The following KATNIP variants were observed in gnomAD, a reference collection of about 807,000 sequenced individuals.
The protein encoded by KATNIP is katanin interacting protein.
In KATNIP, 126 loss-of-function variants were observed where a neutral mutation model predicts 174.0. The observed-to-expected ratio is 0.72, with a 90% confidence interval of 0.63 to 0.84. KATNIP has a LOEUF of 0.84. Ranked by LOEUF, KATNIP falls within the 40% of genes least tolerant of loss-of-function variation. The pLI is 0.00. For missense variants in KATNIP, 1,958 were observed against 2,109.7 expected, an observed-to-expected ratio of 0.93 and a Z score of 1.41; for synonymous variants, 810 against 835.7, an observed-to-expected ratio of 0.97 and a Z score of 0.53.
chr16:27,748,163 A>G (rs2081362344), intron 15 of KATNIP, among the ~76,000 whole-genome samples: 1 of 152,208 alleles, frequency 6.6e-6, no homozygotes, highest in Admixed American at 6.5e-5. Context: ...CATGTTCCAT[A>G]AGGAGCGTGG....
At chr16:27,725,324 T>C (rs573532438) in intron 14 of KATNIP, among the ~76,000 whole-genome samples, 133 of 152,298 alleles carry the variant, frequency 8.7e-4, no homozygotes, top group Middle Eastern at 3.4e-3. Context: ...AGATCCCAGA[T>C]GGCAAATCGG....
In KATNIP at chr16:27,573,919, C is replaced by T. The variant is rs150063976; in HGVS notation, c.26C>T (p.Ala9Val). ...GCGACAGGTCAGACTCTGCGAAAGGCCGAGAGAAGCTGGTCCTGCTCACGA... is the reference window on the plus strand; with the variant it reads ...GCGACAGGTCAGACTCTGCGAAAGGTCGAGAGAAGCTGGTCCTGCTCACGA... MDGQTLRK[A>V]ERSWSCSREK... The change falls in exon 2 of 28, where the codon GCC becomes GTC. Residue 9 changes from alanine to valine, a missense_variant. By Grantham distance (64) the Ala-to-Val change is moderately conservative. Coordinates refer to ENST00000261588, the MANE Select transcript of KATNIP (RefSeq NM_015202.5). The T allele has an allele frequency of 1.2e-6, 2 of 1,613,992 alleles. No homozygotes were observed. The highest frequency in any genetic ancestry group is 1.3e-5 in the African/African-American group (1 of 74,906).
intron 1 of KATNIP, among the ~76,000 whole-genome samples, chr16:27,553,403 T>A (rs1437678722): frequency 6.6e-6 from 1 of 152,230 alleles, no homozygotes; most frequent in Non-Finnish European, 1.5e-5. Context: ...ACTCACTTAT[T>A]TCATATTTGA....
chr16:27,655,519 G>A (rs1477597943), intron 6 of KATNIP, among the ~76,000 whole-genome samples: 1 of 151,690 alleles, frequency 6.6e-6, no homozygotes, highest in African/African-American at 2.4e-5. Context: ...CAAAGTGCTG[G>A]GATTACAGGC....
chr16:27,773,320 G>C (rs2082378351), intron 23 of KATNIP, 111 bp downstream of exon 23: 2 of 690,652 alleles, frequency 2.9e-6, no homozygotes, highest in Non-Finnish European at 4.8e-6. Context: ...CTAGGAACCA[G>C]AGCCCAGGGG....
chr16:27,686,020 C>T (rs771610892), intron 8 of KATNIP, among the ~76,000 whole-genome samples: 5 of 152,202 alleles, frequency 3.3e-5, no homozygotes, highest in African/African-American at 4.8e-5. Context: ...GGAAAAATCA[C>T]AGCTTCTTGG....
At chr16:27,582,509 A>G (rs2090737168) in intron 2 of KATNIP, among the ~76,000 whole-genome samples, 1 of 152,218 alleles carries the variant, frequency 6.6e-6, no homozygotes, top group Non-Finnish European at 1.5e-5. Context: ...GTCTCTCTGC[A>G]GCTTTGAGAA....
At position 27,628,738 on chromosome 16, in the gene KATNIP, T is replaced by G; in HGVS notation, c.218T>G (p.Val73Gly). The G allele has an allele frequency of 6.2e-7, 1 of 1,614,210 alleles. No individual in the cohort carries two copies. Among genetic ancestry groups the G allele is most frequent in the Non-Finnish European group, 8.5e-7 (1 of 1,180,034 alleles). Residue 73 changes from valine (V) to glycine (G), a missense_variant, in exon 4 of 28, where the codon GTC (valine) becomes GGC (glycine). Coordinates refer to ENST00000261588, the MANE Select transcript of KATNIP (RefSeq NM_015202.5). ...EHLEQGFSVY[V>G]NGANSELKSS... ...TTGGAGCAAGGTTTCTCTGTCTATG[T>G]CAACGGTGCCAATTCGGAGCTGAAA...
chr16:27,698,529 G>A (rs919937280), intron 9 of KATNIP, 29 bp downstream of exon 9: 1 of 1,584,644 alleles, frequency 6.3e-7, no homozygotes, highest in Non-Finnish European at 8.6e-7. Flanking sequence ...GAGGAACCGG[G>A]GGATGCTCCC....
At chr16:27,632,015 A>T (rs772083180) in intron 5 of KATNIP, among the ~76,000 whole-genome samples, 1 of 152,184 alleles carries the variant, frequency 6.6e-6, no homozygotes, top group Non-Finnish European at 1.5e-5. Flanking sequence ...AGCTGAAGAG[A>T]TGGAGGTTCA....
At chr16:27,739,460 C>T (rs1019322945) in intron 14 of KATNIP, among the ~76,000 whole-genome samples, 2 of 152,178 alleles carry the variant, frequency 1.3e-5, no homozygotes, top group African/African-American at 2.4e-5. Context: ...CCCATTTCCT[C>T]TTGGAATCAC....
intron 2 of KATNIP, among the ~76,000 whole-genome samples, chr16:27,610,205 G>T (rs567941267): frequency 1.2e-4 from 18 of 152,134 alleles, no homozygotes; most frequent in African/African-American, 4.1e-4. Context: ...GTGGCAGCAG[G>T]GAGGACAGAA....
chr16:27,677,394 G>C (rs1296402696), intron 6 of KATNIP, among the ~76,000 whole-genome samples: 1 of 152,074 alleles, frequency 6.6e-6, no homozygotes, highest in Non-Finnish European at 1.5e-5. Flanking sequence ...TCCACAATCT[G>C]TTTGAACAAG....
intron 1 of KATNIP, among the ~76,000 whole-genome samples, chr16:27,563,467 G>C (rs1352295763): frequency 1.3e-5 from 2 of 152,070 alleles, no homozygotes; most frequent in Non-Finnish European, 2.9e-5. Context: ...GCAGTGAGCT[G>C]TGATCACACC....
chr16:27,639,719 G>T (rs2076738857), intron 5 of KATNIP, among the ~76,000 whole-genome samples: 1 of 152,186 alleles, frequency 6.6e-6, no homozygotes, highest in Non-Finnish European at 1.5e-5. Context: ...AGTGTTGGGG[G>T]CCCTGTCTCT....
In KATNIP at chr16:27,777,512, G is replaced by C. The variant is rs185183254; in HGVS notation, c.4552-98G>C. 7 of 1,217,298 alleles carry C rather than the reference G, an allele frequency of 5.8e-6. No individual in the cohort carries two copies. The highest frequency in any genetic ancestry group is 1.1e-6 in the Non-Finnish European group (1 of 882,454). The allele number at this position is 1,217,298 out of a possible 1,614,324, so 75.4% of individuals were successfully genotyped here. A position where few individuals can be genotyped will look rare whatever the true frequency, so the allele number is the denominator to read the frequency against. On this transcript the variant is annotated intron_variant, in intron 25 of 27. Coordinates refer to ENST00000261588, the MANE Select transcript of KATNIP (RefSeq NM_015202.5). This position sits in a 1 kb window ranked among gnomAD's most constrained non-coding sequence, Gnocchi z 4.4. ...TTGTTCCTGACAGCCCCGTCTTCCC[G>C]AGGAGAAAGCCTTGGCTCAGAGCAG...
At chr16:27,706,048 G>T (rs968430528) in intron 12 of KATNIP, among the ~76,000 whole-genome samples, 2 of 152,118 alleles carry the variant, frequency 1.3e-5, no homozygotes, top group African/African-American at 4.8e-5. Flanking sequence ...GCAGAAAAAT[G>T]ACAGACTCTT....
chr16:27,693,005 T>C (rs2078789030), intron 8 of KATNIP, among the ~76,000 whole-genome samples: 2 of 150,018 alleles, frequency 1.3e-5, no homozygotes, highest in Non-Finnish European at 3.0e-5. Flanking sequence ...AACCACATCC[T>C]TCAGCTTCCT....
At chr16:27,668,385 T>C (rs990587682) in intron 6 of KATNIP, among the ~76,000 whole-genome samples, 1 of 152,128 alleles carries the variant, frequency 6.6e-6, no homozygotes, top group Non-Finnish European at 1.5e-5. Context: ...GATCTGATGG[T>C]TTTTAAAATG....
Sources: gnomAD v4.1 joint callset for allele counts (sites outside exome capture counted in the v4.1 genomes callset) on GRCh38, gnomAD v4.1.1 for gene constraint, Gnocchi (gnomAD v3.1) non-coding constraint, MANE v1.5 for transcripts, NCBI Gene and HGNC (gene_info 2026-07-23, HGNC 2026-07-21) for gene names.